Variants in NCOA6 observed in about 807,000 individuals in gnomAD.
The protein encoded by NCOA6 is nuclear receptor coactivator 6, also known as NRC RAP250.
A neutral mutation model predicts 171.4 loss-of-function variants in NCOA6; 49 were observed. The observed-to-expected ratio is 0.29, with a 90% confidence interval of 0.23 to 0.36. The LOEUF is 0.36. Among genes scored for constraint, NCOA6 ranks in the 10% least tolerant of loss-of-function variants. The probability of loss-of-function intolerance (pLI) is 1.00; values close to 1 mark genes in which losing one functional copy is unlikely to be tolerated. For missense variants in NCOA6, 2,248 were observed against 2,554.5 expected, an observed-to-expected ratio of 0.88 and a Z score of 2.59; for synonymous variants, 910 against 927.5, an observed-to-expected ratio of 0.98 and a Z score of 0.34.
intron 1 of NCOA6, among the ~76,000 whole-genome samples, chr20:34,795,429 CA>C (rs1286267605): frequency 2.6e-5 from 4 of 152,126 alleles, no homozygotes; most frequent in Non-Finnish European, 5.9e-5. Flanking sequence ...GTATTATTAC[CA>C]AAAGTGCCTA....
chr20:34,726,980 C>G (rs1046599113), intron 14 of NCOA6, among the ~76,000 whole-genome samples: 3 of 151,840 alleles, frequency 2.0e-5, no homozygotes, highest in African/African-American at 7.3e-5. Flanking sequence ...CAAAAACCAA[C>G]AACAACAACA....
intron 11 of NCOA6, among the ~76,000 whole-genome samples, chr20:34,739,618 G>C (rs930608024): frequency 6.6e-6 from 1 of 152,206 alleles, no homozygotes; most frequent in Admixed American, 6.5e-5. Context: ...AGAATCTGCA[G>C]AAGCTGCTGT....
chr20:34,754,036 T>C (rs1441986156), intron 8 of NCOA6, among the ~76,000 whole-genome samples: 1 of 152,250 alleles, frequency 6.6e-6, no homozygotes, highest in Non-Finnish European at 1.5e-5. Flanking sequence ...TTCCCCTGTA[T>C]CTTATTTCCT....
chr20:34,757,735 A>G lies in NCOA6; in HGVS notation c.1013T>C (p.Met338Thr), dbSNP rs2076684857. The G allele has an allele frequency of 6.2e-7, 1 of 1,613,932 alleles. No homozygotes were observed. The highest frequency in any genetic ancestry group is 1.3e-5 in the African/African-American group (1 of 74,866). ...CTTCTTCCACCCTTGGTTTGCAGTCATTGTGCCCAGAGAACCCTGGGCTGG... is the reference window on the plus strand; with the variant it reads ...CTTCTTCCACCCTTGGTTTGCAGTCGTTGTGCCCAGAGAACCCTGGGCTGG... ...PPPAQGSLGT[M>T]TANQGWKKAP... The change falls in exon 7 of 15, where the codon ATG becomes ACG. Residue 338 changes from methionine to threonine, a missense_variant. By Grantham distance (81) the Met-to-Thr change is moderately conservative (BLOSUM62 -1). Transcript: ENST00000359003.
intron 7 of NCOA6, 79 bp downstream of exon 7, chr20:34,757,141 A>C: frequency 1.4e-6 from 2 of 1,407,958 alleles, no homozygotes; most frequent in Non-Finnish European, 1.9e-6. Context: ...CACTCCCTCC[A>C]TTAACTCTAA....
At position 34,754,858 on chromosome 20, in the gene NCOA6, TTTAGGCATTCC is replaced by T; in HGVS notation, c.1529-1_1538del. On this transcript the variant is annotated splice_acceptor_variant and coding_sequence_variant, in exon 8 of 15. Transcript: ENST00000359003. LOFTEE classifies it high-confidence loss of function. Reference sequence around the variant, plus strand: ...CTGCTGAGAAGCCAGGTGGGAGGCGTTTAGGCATTCCTTAATAGAAAACAATGAGTAAGGCA... The same window carrying T: ...CTGCTGAGAAGCCAGGTGGGAGGCGTTTAATAGAAAACAATGAGTAAGGCA... 6.2e-7 allele frequency: 1 copy of T among 1,614,006 alleles called. No individual in the cohort carries two copies. The highest frequency in any genetic ancestry group is 8.5e-7 in the Non-Finnish European group (1 of 1,179,990).
At chr20:34,724,415 CGTGTCTA>C (rs1381689542) in intron 14 of NCOA6, among the ~76,000 whole-genome samples, 1 of 152,156 alleles carries the variant, frequency 6.6e-6, no homozygotes, top group African/African-American at 2.4e-5. Flanking sequence ...TCCTCAGATC[CGTGTCTA>C]GTGTCTAGTG....
chr20:34,814,295 C>T (rs1048410961), intron 1 of NCOA6, among the ~76,000 whole-genome samples: 6 of 151,744 alleles, frequency 4.0e-5, no homozygotes, highest in Middle Eastern at 3.2e-3. Flanking sequence ...GCTGAGATCA[C>T]GCCACTACAC....
intron 1 of NCOA6, among the ~76,000 whole-genome samples, chr20:34,797,137 C>G (rs921380000): frequency 6.6e-6 from 1 of 152,178 alleles, no homozygotes; most frequent in Non-Finnish European, 1.5e-5. Context: ...CCTGGACCAT[C>G]AGCCAGCATG....
At chr20:34,791,254 T>C (rs2077872694) in intron 2 of NCOA6, among the ~76,000 whole-genome samples, 1 of 152,242 alleles carries the variant, frequency 6.6e-6, no homozygotes, top group African/African-American at 2.4e-5. Flanking sequence ...GCACATTTAA[T>C]TTCTTCTCGA....
intron 5 of NCOA6, among the ~76,000 whole-genome samples, chr20:34,764,668 G>C (rs2014562357): frequency 6.6e-6 from 1 of 151,424 alleles, no homozygotes; most frequent in African/African-American, 2.4e-5. Flanking sequence ...TTGGGTGACA[G>C]AGCGAGACTC....
intron 1 of NCOA6, among the ~76,000 whole-genome samples, chr20:34,806,757 G>A (rs2078464838): frequency 6.6e-6 from 1 of 152,150 alleles, no homozygotes; most frequent in Non-Finnish European, 1.5e-5. Context: ...TGTTTCATTG[G>A]TCTATGTGTC....
intron 4 of NCOA6, among the ~76,000 whole-genome samples, chr20:34,769,584 G>A (rs1243355767): frequency 6.6e-6 from 1 of 152,106 alleles, no homozygotes; most frequent in African/African-American, 2.4e-5. Context: ...GGCTGGTCTC[G>A]AACTCCTGAC....
intron 1 of NCOA6, chr20:34,820,188 C>T (rs2078964648): frequency 6.6e-6 from 1 of 151,950 alleles, no homozygotes; most frequent in Non-Finnish European, 1.5e-5. Flanking sequence ...TCCAGACTAG[C>T]CTGGGCAACA....
chr20:34,748,462 CTTGA>C (rs1169043477), intron 9 of NCOA6, among the ~76,000 whole-genome samples: 1 of 152,124 alleles, frequency 6.6e-6, no homozygotes, highest in Non-Finnish European at 1.5e-5. Context: ...AATAAAGTTT[CTTGA>C]TTCTTTTTCT....
At chr20:34,718,662 C>T (rs1400585856) in intron 14 of NCOA6, among the ~76,000 whole-genome samples, 3 of 152,046 alleles carry the variant, frequency 2.0e-5, no homozygotes, top group African/African-American at 4.8e-5. Context: ...TGCACCACCA[C>T]GCCCAGCTAA....
Position 34,741,836 on chromosome 20 carries a change from C to T in NCOA6, c.4420G>A (p.Glu1474Lys), listed in dbSNP as rs750645031. 93 of 1,613,998 alleles carry T rather than the reference C, an allele frequency of 5.8e-5. No individual in the cohort carries two copies. Among genetic ancestry groups the T allele is most frequent in the Non-Finnish European group, 1.6e-5 (19 of 1,180,022 alleles). ...GGAGACACCAAATTTTTGTTCTCTT[C>T]GACACTGGGAAGTTTGTTAGGATCC... ...PSDPNKLPSV[E>K]ENKNLVSPAM... The change falls in exon 11 of 15, where the codon GAA becomes AAA. Residue 1474 changes from glutamate to lysine, a missense_variant. Physicochemically the swap from Glu to Lys is moderately conservative, Grantham distance 56. Coordinates refer to ENST00000359003, the MANE Select transcript of NCOA6 (RefSeq NM_014071.5).
intron 1 of NCOA6, among the ~76,000 whole-genome samples, chr20:34,822,957 C>G (rs2079051153): frequency 6.6e-6 from 1 of 152,224 alleles, no homozygotes; most frequent in African/African-American, 2.4e-5. Context: ...ATCTTTATAT[C>G]ATACTACAAT....
intron 9 of NCOA6, among the ~76,000 whole-genome samples, chr20:34,748,673 T>A (rs1358723316): frequency 6.6e-6 from 1 of 152,240 alleles, no homozygotes; most frequent in Admixed American, 6.5e-5. Context: ...TTGCCTTTCC[T>A]GCTATGATCT....
Sources: gnomAD v4.1 joint callset for allele counts (sites outside exome capture counted in the v4.1 genomes callset) on GRCh38, gnomAD v4.1.1 for gene constraint, MANE v1.5 for transcripts, NCBI Gene and HGNC (gene_info 2026-07-23, HGNC 2026-07-21) for gene names.